ZNF268: variants seen among roughly 807,000 people sequenced by gnomAD.
ZNF268 encodes the protein zinc finger protein 268.
A neutral mutation model predicts 29.3 loss-of-function variants in ZNF268; 20 were observed. That is an observed-to-expected ratio of 0.68 (90% CI 0.48 to 0.99). The LOEUF (loss-of-function observed/expected upper bound fraction) is 0.99. Ranked by LOEUF, ZNF268 falls within the 50% of genes least tolerant of loss-of-function variation. The pLI, the probability that ZNF268 is intolerant of heterozygous loss-of-function variation, is 0.00. For missense variants in ZNF268, 1,240 were observed against 1,121.6 expected (o/e 1.11, Z -1.51); for synonymous variants, 429 against 376.9 (o/e 1.14, Z -1.60).
intron 3 of ZNF268, among the ~76,000 whole-genome samples, chr12:133,190,759 GTTGT>G (rs1956447970): frequency 2.0e-5 from 3 of 152,008 alleles, no homozygotes; most frequent in Admixed American, 2.0e-4. Flanking sequence ...TTGTGCCTAC[GTTGT>G]AATCTGTGTT....
chr12:133,199,283 A>G (rs188621825), intron 5 of ZNF268, among the ~76,000 whole-genome samples: 7 of 152,290 alleles, frequency 4.6e-5, no homozygotes, highest in Admixed American at 3.3e-4. Flanking sequence ...CTCTGCATCT[A>G]TTGAGATAAT....
chr12:133,204,119 T>C lies in ZNF268; in HGVS notation c.2433T>C (p.Asn811=). The C allele has an allele frequency of 6.5e-7, 1 of 1,545,288 alleles. No individual in the cohort carries two copies. The highest frequency in any genetic ancestry group is 8.7e-7 in the Non-Finnish European group (1 of 1,147,948). Residue 811 remains asparagine, a synonymous_variant, in exon 6 of 6, where the codon AAT becomes AAC. Coordinates refer to ENST00000536435, the MANE Select transcript of ZNF268 (RefSeq NM_003415.3). The stretch of plus-strand genomic sequence containing the variant: ...CAGGTGAAAAACCATATGAATGTAA[T>C]GAATGTGGGAAAGCCTTCATTTGGA... ...THSGEKPYEC[N]ECGKAFIWKS... is the part of the protein sequence containing the mutation.
rs755978268 is a variant in ZNF268 at position 133,181,992 on chromosome 12, G to A, written c.-6G>A. The A allele has an allele frequency of 6.4e-7, 1 of 1,564,962 alleles. No homozygotes were observed. On this transcript the variant is annotated 5_prime_UTR_variant, in exon 2 of 6. Coordinates refer to ENST00000536435, the MANE Select transcript of ZNF268 (RefSeq NM_003415.3). The stretch of plus-strand genomic sequence containing the variant: ...TCCAGCGAGGCACACAAAACTGACC[G>A]TAGGGATGGCCACCAGGGTCCGGAC...
rs1202276127 is a variant in ZNF268, at chr12:133,204,207, T to C, written c.2521T>C (p.Cys841Arg). Residue 841 changes from cysteine to arginine, a missense_variant, in exon 6 of 6, where the codon TGT becomes CGT. By Grantham distance (180) the Cys-to-Arg change is radical. This residue lies in a region of ZNF268 where 1,177 missense variants were observed against 1,039.6 expected (regional missense o/e 1.13). Transcript: ENST00000536435. ...GGTCAACCCTTATAAATGCAGTCAA[T>C]GTGAGAAATCCTTCAGTGGGAAATT... Reference protein sequence around the residue: ...AGVNPYKCSQCEKSFSGKLRL... With the variant: ...AGVNPYKCSQREKSFSGKLRL... 1 of 1,540,720 alleles carries C rather than the reference T, an allele frequency of 6.5e-7. No individual in the cohort carries two copies. Among genetic ancestry groups the C allele is most frequent in the Non-Finnish European group, 8.7e-7 (1 of 1,147,398 alleles).
rs1258152213 is a variant in ZNF268, at chr12:133,205,122, C to A, written c.*592C>A. The A allele has an allele frequency of 1.7e-5, 2 of 119,564 alleles. No homozygotes were observed. Among genetic ancestry groups the A allele is most frequent in the East Asian group, 4.8e-4 (2 of 4,200 alleles). 7.4% of individuals were successfully genotyped at this position (119,564 alleles called of 1,614,324 possible). ...AAATAAACCACAGCTGGACTGTTAA[C>A]CTCACCTTAGAAGCTTCATTCTAAA... On this transcript the variant is annotated 3_prime_UTR_variant, in exon 6 of 6. Coordinates refer to ENST00000536435, the MANE Select transcript of ZNF268 (RefSeq NM_003415.3).
At chr12:133,194,887 T>C (rs1157714714) in intron 5 of ZNF268, among the ~76,000 whole-genome samples, 1 of 152,194 alleles carries the variant, frequency 6.6e-6, no homozygotes, top group African/African-American at 2.4e-5. Context: ...TCTTCAGATA[T>C]TTGCTGCAAC....
intron 5 of ZNF268, among the ~76,000 whole-genome samples, chr12:133,194,117 T>G (rs1956540816): frequency 6.6e-6 from 1 of 152,220 alleles, no homozygotes; most frequent in East Asian, 1.9e-4. Context: ...GATTGTTGTA[T>G]TTAGCTAAAT....
chr12:133,181,651 A>C lies in ZNF268; in HGVS notation c.-88A>C. On this transcript the variant is annotated 5_prime_UTR_variant, in exon 1 of 6. Coordinates refer to ENST00000536435, the MANE Select transcript of ZNF268 (RefSeq NM_003415.3). ...AGGTGGAGGCAGTACCCTGGACTCT[A>C]TTCTGCTGCCCCTTCAGGGTTTGGA... The C allele has an allele frequency of 3.4e-6, 1 of 290,992 alleles. No homozygotes were observed. 18.0% of individuals were successfully genotyped at this position (290,992 alleles called of 1,614,324 possible).
intron 2 of ZNF268, among the ~76,000 whole-genome samples, chr12:133,182,472 T>G (rs990866282): frequency 2.0e-5 from 3 of 152,164 alleles, no homozygotes; most frequent in African/African-American, 7.2e-5. Context: ...CATCCCTGTC[T>G]TGAAGAACAG....
chr12:133,195,345 C>T (rs1956567691), intron 5 of ZNF268, among the ~76,000 whole-genome samples: 2 of 152,104 alleles, frequency 1.3e-5, no homozygotes, highest in Non-Finnish European at 2.9e-5. Flanking sequence ...AATATGGTCT[C>T]GAATCATGTT....
rs1265736827 is a variant in ZNF268, at chr12:133,205,168, A to AG, written c.*638_*639insG. The AG allele has an allele frequency of 4.2e-5, 6 of 141,998 alleles. No homozygotes were observed. Among genetic ancestry groups the AG allele is most frequent in the African/African-American group, 1.6e-4 (6 of 38,036 alleles). The allele number at this position is 141,998 out of a possible 1,614,324, so 8.8% of individuals were successfully genotyped here. On this transcript the variant is annotated 3_prime_UTR_variant, in exon 6 of 6. Transcript: ENST00000536435. ...CTAAAAAAAAAAAAAAAAAAAAAAA[A>AG]AAAAACCAACCTGTTATTATATCTT...
Position 133,211,069 on chromosome 12 carries a change from T to C in ZNF268, c.*6539T>C. Reference sequence around the variant, plus strand: ...ATGCCTTAATTGGAATGGATAGAGATAATAAAAGGCAAAGTAGATGGCCAT... The same window carrying C: ...ATGCCTTAATTGGAATGGATAGAGACAATAAAAGGCAAAGTAGATGGCCAT... On this transcript the variant is annotated 3_prime_UTR_variant, in exon 6 of 6. Coordinates refer to ENST00000536435, the MANE Select transcript of ZNF268 (RefSeq NM_003415.3). 1 of 453,678 alleles carries C rather than the reference T, an allele frequency of 2.2e-6. No individual in the cohort carries two copies. Among genetic ancestry groups the C allele is most frequent in the Non-Finnish European group, 4.4e-6 (1 of 224,820 alleles). The allele number at this position is 453,678 out of a possible 1,614,324, so 28.1% of individuals were successfully genotyped here.
chr12:133,182,633 A>T (rs1361473695), intron 2 of ZNF268, among the ~76,000 whole-genome samples: 2 of 152,196 alleles, frequency 1.3e-5, no homozygotes, highest in African/African-American at 2.4e-5. Context: ...TTCAATGATT[A>T]AGAGATTCTT....
At chr12:133,196,319 TAA>T (rs58218652) in intron 5 of ZNF268, among the ~76,000 whole-genome samples, 19,015 of 100,558 alleles carry the variant, frequency 0.19, 3,612 homozygotes, top group African/African-American at 0.53. Flanking sequence ...AGACTCCATC[TAA>T]AAAAAAAAAA....
In ZNF268 at chr12:133,191,932, T is replaced by C. The variant is rs201567388; in HGVS notation, c.386T>C (p.Ile129Thr). ...SLGYQHTKPDIIFKLEQGEEL... is the reference protein window; with the variant it reads ...SLGYQHTKPDTIFKLEQGEEL... ...GGGTACCAACACACCAAACCTGATATCATCTTCAAGTTGGAACAAGGAGAA... is the reference window on the plus strand; with the variant it reads ...GGGTACCAACACACCAAACCTGATACCATCTTCAAGTTGGAACAAGGAGAA... Residue 129 changes from isoleucine to threonine, a missense_variant, in exon 5 of 6, where the codon ATC becomes ACC. Coordinates refer to ENST00000536435, the MANE Select transcript of ZNF268 (RefSeq NM_003415.3). 72 of 1,613,988 alleles carry C rather than the reference T, an allele frequency of 4.5e-5. No homozygotes were observed. Among genetic ancestry groups the C allele is most frequent in the Middle Eastern group, 1.6e-4 (1 of 6,084 alleles).
Position 133,204,053 on chromosome 12 carries a change from TAGC to T in ZNF268, c.2372_2374del (p.Ser791del), listed in dbSNP as rs1428091392. ...GGTGCAGTGAATGTGGGAAAGCTTTTAGCAGCAAGTCATACCTAATTATACACA... is the reference window on the plus strand; with the variant it reads ...GGTGCAGTGAATGTGGGAAAGCTTTTAGCAAGTCATACCTAATTATACACA... On this transcript the variant is annotated inframe_deletion, in exon 6 of 6. Transcript: ENST00000536435. 1.3e-6 allele frequency: 2 copies of T among 1,563,698 alleles called. No homozygotes were observed. Among genetic ancestry groups the T allele is most frequent in the Non-Finnish European group, 8.6e-7 (1 of 1,157,756 alleles).
At chr12:133,184,400 C>T (rs1438327944) in intron 2 of ZNF268, among the ~76,000 whole-genome samples, 3 of 152,230 alleles carry the variant, frequency 2.0e-5, no homozygotes, top group Middle Eastern at 3.4e-3. Context: ...CCACCGCACC[C>T]GGCTCTGCTC....
At position 133,191,589 on chromosome 12, in the gene ZNF268, A is replaced by T; in HGVS notation, c.335A>T (p.Glu112Val). ...QKCLYRSVML[E>V]NYSNLVSLGY... Reference sequence around the variant, plus strand: ...TGCCTGTACAGGAGTGTGATGTTGGAGAACTATAGCAACCTGGTGTCCCTA... The same window carrying T: ...TGCCTGTACAGGAGTGTGATGTTGGTGAACTATAGCAACCTGGTGTCCCTA... Residue 112 changes from glutamate to valine, a missense_variant, in exon 4 of 6, where the codon GAG becomes GTG. Transcript: ENST00000536435. 6.2e-7 allele frequency: 1 copy of T among 1,614,114 alleles called. No individual in the cohort carries two copies. The highest frequency in any genetic ancestry group is 8.5e-7 in the Non-Finnish European group (1 of 1,180,022).
At position 133,203,530 on chromosome 12, in the gene ZNF268, G is replaced by A. The variant is rs1163847474; in HGVS notation, c.1844G>A (p.Ser615Asn). ...THTGEKPFEC[S>N]ECQKAFNTKS... ...ACAGGGGAGAAACCATTTGAATGTA[G>A]TGAGTGTCAGAAAGCCTTTAATACA... The change falls in exon 6 of 6, where the codon AGT becomes AAT. Residue 615 changes from serine (S) to asparagine (N), a missense_variant. Transcript: ENST00000536435. 6.5e-7 allele frequency: 1 copy of A among 1,548,712 alleles called. No homozygotes were observed.
Sources: allele counts gnomAD v4.1 joint callset (sites outside exome capture counted in the v4.1 genomes callset), GRCh38; gene constraint gnomAD v4.1.1; regional missense constraint gnomAD v4.1.1; transcripts MANE v1.5; gene names NCBI Gene and HGNC (gene_info 2026-07-23, HGNC 2026-07-21).